The following KLHL29 variants were observed in gnomAD, a reference collection of about 807,000 sequenced individuals.
KLHL29 encodes the protein kelch-like protein 29.
A neutral mutation model predicts 80.4 loss-of-function variants in KLHL29; 21 were observed. The ratio of observed to expected loss-of-function variants is 0.26; its 90% CI spans 0.19 to 0.38. KLHL29 has a LOEUF of 0.38. Among genes scored for constraint, KLHL29 ranks in the 10% least tolerant of loss-of-function variants. KLHL29 has a pLI of 1.00. For missense variants in KLHL29, 867 were observed against 1,223.9 expected (o/e 0.71, Z 4.35); for synonymous variants, 511 against 526.8 (o/e 0.97, Z 0.41).
At chr2:23,553,789 C>T (rs562462884) in intron 2 of KLHL29, among the ~76,000 whole-genome samples, 24 of 152,332 alleles carry the variant, frequency 1.6e-4, no homozygotes, top group African/African-American at 5.3e-4. Context: ...CCCTGAGCCC[C>T]CTGCCCCGGA....
intron 3 of KLHL29, among the ~76,000 whole-genome samples, chr2:23,603,356 G>C (rs1357074380): frequency 2.0e-5 from 3 of 152,138 alleles, no homozygotes; most frequent in African/African-American, 7.2e-5. Flanking sequence ...GGAAGATGAA[G>C]GCTACAGCGG....
At chr2:23,619,770 G>C (rs1669122060) in intron 3 of KLHL29, among the ~76,000 whole-genome samples, 2 of 152,166 alleles carry the variant, frequency 1.3e-5, no homozygotes, top group South Asian at 4.1e-4. Context: ...AAGCTAGCAA[G>C]GGCATTAAGT....
chr2:23,415,437 T>G (rs1038774312), intron 1 of KLHL29, among the ~76,000 whole-genome samples: 6 of 152,216 alleles, frequency 3.9e-5, no homozygotes, highest in Non-Finnish European at 8.8e-5. Context: ...GTGATTAGGT[T>G]GTTTGATGTT....
At position 23,669,257 on chromosome 2, in the gene KLHL29, C is replaced by A. The variant is rs1670640939; in HGVS notation, c.941-15142C>A. ...GTGCTGGGAGTCCCTGTCCATGAGC[C>A]ACCCCTGGTCCAGAGAGAAGTAAAC... On this transcript the variant is annotated intron_variant, in intron 5 of 13. Coordinates refer to ENST00000486442, the MANE Select transcript of KLHL29 (RefSeq NM_052920.2). This position sits in a 1 kb window ranked among gnomAD's most constrained non-coding sequence, Gnocchi z 4.3. The A allele has an allele frequency of 6.6e-6, 1 of 152,256 alleles. No homozygotes were observed. Among genetic ancestry groups the A allele is most frequent in the Admixed American group, 6.5e-5 (1 of 15,280 alleles). 9.4% of individuals were successfully genotyped at this position (152,256 alleles called of 1,614,324 possible).
Position 23,703,392 on chromosome 2 carries a change from G to A in KLHL29, c.2299+13G>A, listed in dbSNP as rs759643602. ...TCCCCAATGATTGGTGAGAACCAGC[G>A]GTGTCCTCAGCCCAGGGCCAGGGTC... is the stretch of plus-strand genomic sequence containing the variant. On this transcript the variant is annotated intron_variant, in intron 12 of 13. Transcript: ENST00000486442. The A allele has an allele frequency of 2.0e-5, 29 of 1,477,236 alleles. No individual in the cohort carries two copies. The highest frequency in any genetic ancestry group is 1.3e-4 in the African/African-American group (9 of 71,250). 91.5% of individuals were successfully genotyped at this position (1,477,236 alleles called of 1,614,324 possible).
rs980232360 is a variant in KLHL29 at position 23,696,003 on chromosome 2, C to T, written c.1794C>T (p.Thr598=). ...LVGGRQMVGM[T]QRSLVAVTCW... The stretch of plus-strand genomic sequence containing the variant: ...GGGGCCGTCAGATGGTGGGGATGAC[C>T]CAGCGCTCGCTGGTGGCCGTCACCT... Residue 598 remains threonine (T), a synonymous_variant, in exon 10 of 14, where the codon ACC becomes ACT. Coordinates refer to ENST00000486442, the MANE Select transcript of KLHL29 (RefSeq NM_052920.2). The surrounding 1 kb of genome is among the most constrained non-coding windows in gnomAD (Gnocchi z 5.5). The T allele has an allele frequency of 7.7e-6, 12 of 1,551,658 alleles. 1 individual carries two copies. Among genetic ancestry groups the T allele is most frequent in the African/African-American group, 5.5e-5 (4 of 73,156 alleles).
Position 23,652,107 on chromosome 2 carries a change from C to T in KLHL29, c.940+9257C>T, listed in dbSNP as rs1013613520. On this transcript the variant is annotated intron_variant, in intron 5 of 13. Coordinates refer to ENST00000486442, the MANE Select transcript of KLHL29 (RefSeq NM_052920.2). ...ACAAGGCACAGTTCCCATGTAGTTA[C>T]AATGTCTGCCTTCTACCTGTGGGTG... Among the ~76,000 whole-genome samples, 3 of 152,240 alleles carry T rather than the reference C, an allele frequency of 2.0e-5. No homozygotes were observed. In the South Asian group the frequency reaches 6.2e-4, roughly 31 times the overall value.
intron 2 of KLHL29, among the ~76,000 whole-genome samples, chr2:23,485,437 A>G (rs1051596384): frequency 9.2e-5 from 14 of 152,230 alleles, no homozygotes; most frequent in Non-Finnish European, 4.4e-5. Flanking sequence ...ATGTTAGGGC[A>G]GAGGGTGACG....
At chr2:23,652,578 T>C (rs573580050) in intron 5 of KLHL29, among the ~76,000 whole-genome samples, 16 of 152,344 alleles carry the variant, frequency 1.1e-4, no homozygotes, top group Non-Finnish European at 1.9e-4. Flanking sequence ...TCCCTGGTCA[T>C]GCTCCAGCCT....
chr2:23,614,984 C>T (rs1161642503), intron 3 of KLHL29, among the ~76,000 whole-genome samples: 1 of 152,232 alleles, frequency 6.6e-6, no homozygotes, highest in Non-Finnish European at 1.5e-5. Flanking sequence ...CAAAACAAGA[C>T]TCCTCCAAAG....
intron 1 of KLHL29, among the ~76,000 whole-genome samples, chr2:23,462,606 C>A (rs567320019): frequency 6.6e-6 from 1 of 152,178 alleles, no homozygotes; most frequent in Non-Finnish European, 1.5e-5. Context: ...GTGTCCCTAG[C>A]GGCTTTGACT....
intron 1 of KLHL29, among the ~76,000 whole-genome samples, chr2:23,448,740 AC>A (rs1311303055): frequency 2.0e-5 from 3 of 152,180 alleles, no homozygotes; most frequent in Non-Finnish European, 4.4e-5. Context: ...CTTTTGCTGC[AC>A]CTGCAATCTG....
chr2:23,550,220 G>A (rs1004921909), intron 2 of KLHL29, among the ~76,000 whole-genome samples: 6 of 152,138 alleles, frequency 3.9e-5, no homozygotes, highest in Non-Finnish European at 8.8e-5. Flanking sequence ...ATGAGAAAAG[G>A]GCAGATCGTG....
At chr2:23,390,131 C>T (rs1411188552) in intron 1 of KLHL29, among the ~76,000 whole-genome samples, 3 of 152,178 alleles carry the variant, frequency 2.0e-5, no homozygotes, top group Non-Finnish European at 4.4e-5. Context: ...CACTTGAAAA[C>T]AGGAAAACTG....
At chr2:23,676,275 C>T (rs1028882283) in intron 5 of KLHL29, among the ~76,000 whole-genome samples, 1 of 152,146 alleles carries the variant, frequency 6.6e-6, no homozygotes, top group Non-Finnish European at 1.5e-5. Context: ...CTCCGCTTCC[C>T]GGGTTCACAC....
At chr2:23,462,741 C>T (rs903380943) in intron 1 of KLHL29, among the ~76,000 whole-genome samples, 1 of 152,114 alleles carries the variant, frequency 6.6e-6, no homozygotes, top group Non-Finnish European at 1.5e-5. Flanking sequence ...AACTTTTTAG[C>T]CAACCTGAAT....
intron 1 of KLHL29, among the ~76,000 whole-genome samples, chr2:23,400,540 G>A (rs753097971): frequency 6.6e-6 from 1 of 152,120 alleles, no homozygotes; most frequent in Non-Finnish European, 1.5e-5. Flanking sequence ...CTAATGCAGA[G>A]CCATGCAGCT....
intron 2 of KLHL29, among the ~76,000 whole-genome samples, chr2:23,540,204 G>C (rs1417764744): frequency 1.3e-5 from 2 of 152,160 alleles, no homozygotes; most frequent in Non-Finnish European, 2.9e-5. Flanking sequence ...CCCCAGAAGT[G>C]GTCACTTTCC....
chr2:23,639,952 C>A (rs893466307), intron 4 of KLHL29, among the ~76,000 whole-genome samples: 3 of 152,216 alleles, frequency 2.0e-5, no homozygotes, highest in Non-Finnish European at 4.4e-5. Context: ...TGCTCTGCCC[C>A]CTGCATCCCT....
Sources: allele counts gnomAD v4.1 joint callset (sites outside exome capture counted in the v4.1 genomes callset), GRCh38; gene constraint gnomAD v4.1.1; non-coding constraint Gnocchi (gnomAD v3.1); transcripts MANE v1.5; gene names NCBI Gene and HGNC (gene_info 2026-07-23, HGNC 2026-07-21).